PAICS: variants seen among roughly 807,000 people sequenced by gnomAD.
PAICS encodes bifunctional phosphoribosylaminoimidazole carboxylase/phosphoribosylaminoimidazole succinocarboxamide synthetase.
PAICS carries 33 observed loss-of-function variants against 53.7 expected under a neutral mutation model. That is an observed-to-expected ratio of 0.61 (90% confidence interval 0.47 to 0.82). PAICS has a LOEUF of 0.82. Among genes scored for constraint, PAICS ranks in the 40% least tolerant of loss-of-function variants. The probability of loss-of-function intolerance (pLI) is 0.00; values close to 1 mark genes in which losing one functional copy is unlikely to be tolerated. For synonymous variants in PAICS, 141 were observed against 167.2 expected, an observed-to-expected ratio of 0.84 and a Z score of 1.21; for missense variants, 394 against 494.1, an observed-to-expected ratio of 0.80 and a Z score of 1.92.
At chr4:56,438,371 T>TTA (rs61681463) in intron 1 of PAICS, among the ~76,000 whole-genome samples, 3,697 of 113,442 alleles carry the variant, frequency 0.033, 68 homozygotes, top group Non-Finnish European at 0.041. Context: ...TGCAATGTGT[T>TTA]TATATATATA....
At chr4:56,426,590 G>A in the PAICS span, among the ~76,000 whole-genome samples, 1 of 152,020 alleles carries the variant, frequency 6.6e-6, no homozygotes, top group Non-Finnish European at 1.5e-5. Flanking sequence ...CCACGTTGTA[G>A]CATATATCAG....
At chr4:56,413,232 T>A in the PAICS span, among the ~76,000 whole-genome samples, 1 of 152,174 alleles carries the variant, frequency 6.6e-6, no homozygotes, top group African/African-American at 2.4e-5. Context: ...CAATCTCAGC[T>A]CACAACCTCT....
chr4:56,455,203 C>G (rs2110097312), intron 8 of PAICS, among the ~76,000 whole-genome samples: 1 of 152,258 alleles, frequency 6.6e-6, no homozygotes, highest in East Asian at 1.9e-4. Context: ...CCCCTTTTGG[C>G]TGATGGAACT....
upstream of PAICS, chr4:56,431,563 T>C (rs1717585178): frequency 1.0e-6 from 1 of 957,108 alleles, no homozygotes; most frequent in African/African-American, 1.8e-5. Flanking sequence ...ATCTTATAAA[T>C]TTTTAGAAGT....
chr4:56,435,711 G>A (rs1717881337), upstream of PAICS: 2 of 1,466,458 alleles, frequency 1.4e-6, no homozygotes, highest in African/African-American at 1.4e-5. Context: ...GGGCGGTCCC[G>A]CGGCTGAGGG....
At chr4:56,450,855 T>C in intron 6 of PAICS, 153 bp downstream of exon 6, 1 of 555,276 alleles carries the variant, frequency 1.8e-6, no homozygotes, top group African/African-American at 1.9e-5. Flanking sequence ...TCTTGCTCTG[T>C]CGCCCAGGCT....
the PAICS span, among the ~76,000 whole-genome samples, chr4:56,414,706 G>A: frequency 1.3e-5 from 2 of 152,106 alleles, no homozygotes; most frequent in East Asian, 1.9e-4. Context: ...TTCTATGGAC[G>A]TAAATCTGGA....
At chr4:56,455,080 C>T (rs1394051872) in intron 8 of PAICS, among the ~76,000 whole-genome samples, 1 of 152,102 alleles carries the variant, frequency 6.6e-6, no homozygotes, top group African/African-American at 2.4e-5. Flanking sequence ...TCGCTTGAAC[C>T]TGGGAGGCAG....
At chr4:56,427,435 A>T in the PAICS span, among the ~76,000 whole-genome samples, 3 of 152,216 alleles carry the variant, frequency 2.0e-5, no homozygotes, top group Non-Finnish European at 2.9e-5. Flanking sequence ...GTTTTCCACC[A>T]TGACTTCACC....
the PAICS span, among the ~76,000 whole-genome samples, chr4:56,426,675 C>T: frequency 0.34 from 52,139 of 152,072 alleles, 9,814 homozygotes; most frequent in East Asian, 0.64. Context: ...CACTTATCAA[C>T]TGACAGACAT....
chr4:56,435,335 C>T (rs767037962), upstream of PAICS: 1 of 1,613,444 alleles, frequency 6.2e-7, no homozygotes, highest in Admixed American at 1.7e-5. Context: ...CCGCCACCCC[C>T]ACCCTGTTGC....
the PAICS span, among the ~76,000 whole-genome samples, chr4:56,423,640 G>C: frequency 2.0e-5 from 3 of 149,998 alleles, no homozygotes; most frequent in East Asian, 2.0e-4. Context: ...AGAAGAAAAA[G>C]ATTAAGTCAA....
the PAICS span, among the ~76,000 whole-genome samples, chr4:56,427,099 A>G: frequency 1.3e-5 from 2 of 152,204 alleles, no homozygotes; most frequent in Non-Finnish European, 2.9e-5. Context: ...ATTCCATTGT[A>G]TGGATACACC....
At chr4:56,431,903 C>G (rs1040038214), upstream of PAICS, among the ~76,000 whole-genome samples, 2 of 152,002 alleles carry the variant, frequency 1.3e-5, no homozygotes, top group Non-Finnish European at 2.9e-5. Flanking sequence ...ATGAACATAC[C>G]CACACACATG....
intron 1 of PAICS, among the ~76,000 whole-genome samples, chr4:56,439,044 G>C (rs1251305964): frequency 6.6e-6 from 1 of 152,094 alleles, no homozygotes; most frequent in East Asian, 1.9e-4. Flanking sequence ...GGTACTTGCA[G>C]GGTATGTCAC....
the PAICS span, among the ~76,000 whole-genome samples, chr4:56,430,267 A>G: frequency 1.3e-5 from 2 of 152,182 alleles, no homozygotes; most frequent in Non-Finnish European, 2.9e-5. Flanking sequence ...AGGCAGGGTC[A>G]TAGGGCATGC....
upstream of PAICS, among the ~76,000 whole-genome samples, chr4:56,434,594 TAG>T (rs1481602544): frequency 6.6e-6 from 1 of 152,178 alleles, no homozygotes; most frequent in African/African-American, 2.4e-5. Context: ...GATCTTGGCA[TAG>T]AGACACTACT....
chr4:56,455,409 CAGTGG>C (rs1430461912), intron 8 of PAICS, among the ~76,000 whole-genome samples: 1 of 152,156 alleles, frequency 6.6e-6, no homozygotes, highest in Admixed American at 6.5e-5. Context: ...CAACCTGGTC[CAGTGG>C]ACTGGCTTCT....
At chr4:56,448,362 G>C in intron 3 of PAICS, 56 bp from the exon 4 acceptor site, 1 of 1,289,598 alleles carries the variant, frequency 7.8e-7, no homozygotes, top group Non-Finnish European at 1.1e-6. Context: ...TGGTTTTTCT[G>C]AAAAGTTTAA....
Sources: allele counts gnomAD v4.1 joint callset (sites outside exome capture counted in the v4.1 genomes callset), GRCh38; gene constraint gnomAD v4.1.1; transcripts MANE v1.5; gene names NCBI Gene and HGNC (gene_info 2026-07-23, HGNC 2026-07-21).